CAAP1: variants seen among roughly 807,000 people sequenced by gnomAD.
CAAP1 encodes caspase activity and apoptosis inhibitor 1.
Under a neutral mutation model 34.0 loss-of-function variants are expected in CAAP1, and 20 were observed. The observed-to-expected ratio is 0.59, with a 90% confidence interval of 0.41 to 0.86. CAAP1 has a LOEUF of 0.86. Ranked by LOEUF, CAAP1 falls within the 40% of genes least tolerant of loss-of-function variation. The pLI, the probability that CAAP1 is intolerant of heterozygous loss-of-function variation, is 0.00. For missense variants in CAAP1, 538 were observed against 450.5 expected (o/e 1.19, Z -1.76); for synonymous variants, 213 against 166.7 (o/e 1.28, Z -2.14).
At chr9:26,887,186 T>TG in intron 2 of CAAP1, 127 bp downstream of exon 2, 1 of 592,834 alleles carries the variant, frequency 1.7e-6, no homozygotes, top group Non-Finnish European at 2.8e-6. Context: ...CACTCCAGCC[T>TG]GGGCGACAGA....
intron 5 of CAAP1, among the ~76,000 whole-genome samples, chr9:26,853,269 A>G (rs569399059): frequency 6.6e-6 from 1 of 152,194 alleles, no homozygotes; most frequent in Non-Finnish European, 1.5e-5. Context: ...TGTAACTGCT[A>G]TTTATTAAGA....
chr9:26,843,512 G>A (rs2131291004), intron 5 of CAAP1, among the ~76,000 whole-genome samples: 1 of 150,654 alleles, frequency 6.6e-6, no homozygotes, highest in Admixed American at 6.6e-5. Context: ...TATACTTTAA[G>A]TTTTAGGGTA....
At chr9:26,879,380 C>T (rs907763657) in intron 4 of CAAP1, among the ~76,000 whole-genome samples, 2 of 152,074 alleles carry the variant, frequency 1.3e-5, no homozygotes, top group African/African-American at 2.4e-5. Context: ...TAATGCTTTA[C>T]GTCCCTGAAT....
At chr9:26,887,599 T>C (rs1823779658) in intron 1 of CAAP1, 86 bp from the exon 2 acceptor site, 2 of 795,126 alleles carry the variant, frequency 2.5e-6, no homozygotes, top group Admixed American at 3.4e-5. Flanking sequence ...TTTCATTTAA[T>C]AAATTCTTCT....
At chr9:26,851,852 C>G (rs569404850) in intron 5 of CAAP1, among the ~76,000 whole-genome samples, 7 of 152,124 alleles carry the variant, frequency 4.6e-5, no homozygotes, top group Admixed American at 2.6e-4. Context: ...GGGCATCACA[C>G]TCAAATACTT....
chr9:26,860,520 T>C (rs1456385765), intron 5 of CAAP1, among the ~76,000 whole-genome samples: 1 of 152,168 alleles, frequency 6.6e-6, no homozygotes, highest in East Asian at 1.9e-4. Flanking sequence ...AGGCCGGGCG[T>C]GGTGGCTCAC....
At chr9:26,847,198 A>ATTTTTT (rs1171628621) in intron 5 of CAAP1, among the ~76,000 whole-genome samples, 2,432 of 34,772 alleles carry the variant, frequency 0.07, 771 homozygotes, top group Non-Finnish European at 0.089. Flanking sequence ...AAAAAGCAAT[A>ATTTTTT]TTTTTTTTTT....
chr9:26,853,552 T>C (rs1411193878), intron 5 of CAAP1, among the ~76,000 whole-genome samples: 3 of 152,186 alleles, frequency 2.0e-5, no homozygotes, highest in Non-Finnish European at 2.9e-5. Flanking sequence ...TTAGAAGTCA[T>C]AAAAAGCCAG....
intron 5 of CAAP1, among the ~76,000 whole-genome samples, chr9:26,854,149 C>T (rs1822816283): frequency 6.6e-6 from 1 of 152,148 alleles, no homozygotes; most frequent in African/African-American, 2.4e-5. Context: ...ACAATGATAA[C>T]AGAAATAATT....
At chr9:26,860,991 T>G in intron 5 of CAAP1, 75 bp downstream of exon 5, 1 of 1,111,104 alleles carries the variant, frequency 9.0e-7, no homozygotes, top group South Asian at 1.3e-5. Flanking sequence ...AGTTAGACAC[T>G]GAAAATTTAT....
At position 26,892,789 on chromosome 9, in the gene CAAP1, G is replaced by A. The variant is rs114212736; in HGVS notation, c.-74C>T. ...ACCGAAGCCCGACTCCTGCGGCCGTGGGCGGCAGGCACTGGCGTCGCAGGT... is the reference window on the plus strand; with the variant it reads ...ACCGAAGCCCGACTCCTGCGGCCGTAGGCGGCAGGCACTGGCGTCGCAGGT... On this transcript the variant is annotated 5_prime_UTR_variant, in exon 1 of 6. Coordinates refer to ENST00000333916, the MANE Select transcript of CAAP1 (RefSeq NM_024828.4). 1.3e-3 allele frequency: 1,886 copies of A among 1,409,918 alleles called. 13 individuals carry two copies. In the African/African-American group the frequency reaches 0.018, roughly 14 times the overall value. The allele number at this position is 1,409,918 out of a possible 1,614,324, so 87.3% of individuals were successfully genotyped here. A position where few individuals can be genotyped will look rare whatever the true frequency, so the allele number is the denominator to read the frequency against.
rs577590099 is a variant in CAAP1 at position 26,892,396 on chromosome 9, G to C, written c.303+17C>G. ...AAGCAGCAGCTCCAGGAAGCGGCCAGAGGGGCGCGCACGCACCTGCTGCAA... is the reference window on the plus strand; with the variant it reads ...AAGCAGCAGCTCCAGGAAGCGGCCACAGGGGCGCGCACGCACCTGCTGCAA... On this transcript the variant is annotated intron_variant, in intron 1 of 5. Transcript: ENST00000333916. 5.9e-5 allele frequency: 94 copies of C among 1,604,160 alleles called. No homozygotes were observed. The African/African-American group carries it at 1.1e-3, about 19-fold the overall frequency.
Position 26,884,893 on chromosome 9 carries a change from A to G in CAAP1, c.590-8T>C. The G allele has an allele frequency of 6.3e-7, 1 of 1,590,672 alleles. No individual in the cohort carries two copies. ...AGTCCATTCCATTGTCACCTTATAA[A>G]TGAAAGAAACTATTGAAAGCACACT... On this transcript the variant is annotated splice_polypyrimidine_tract_variant and splice_region_variant and intron_variant, in intron 3 of 5. Transcript: ENST00000333916.
intron 4 of CAAP1, among the ~76,000 whole-genome samples, chr9:26,870,539 T>C (rs897018735): frequency 2.1e-5 from 3 of 141,866 alleles, no homozygotes; most frequent in African/African-American, 5.2e-5. Context: ...GGTGTGTATA[T>C]AGACACATAC....
At chr9:26,845,961 G>A (rs998166859) in intron 5 of CAAP1, among the ~76,000 whole-genome samples, 1 of 151,456 alleles carries the variant, frequency 6.6e-6, no homozygotes, top group Non-Finnish European at 1.5e-5. Flanking sequence ...TAAAATGGAT[G>A]AGGGGTAGGC....
chr9:26,892,016 C>G (rs1427719436), intron 1 of CAAP1, among the ~76,000 whole-genome samples: 1 of 151,996 alleles, frequency 6.6e-6, no homozygotes, highest in Non-Finnish European at 1.5e-5. Context: ...CTTCTTTGGG[C>G]CTCAATTTTC....
intron 4 of CAAP1, among the ~76,000 whole-genome samples, chr9:26,868,590 T>C (rs1823195912): frequency 6.6e-6 from 1 of 152,218 alleles, no homozygotes; most frequent in Non-Finnish European, 1.5e-5. Context: ...ACTAAGTTTG[T>C]GGTAATTTGT....
intron 5 of CAAP1, 74 bp downstream of exon 5, chr9:26,860,992 G>A: frequency 8.9e-7 from 1 of 1,128,282 alleles, no homozygotes; most frequent in Non-Finnish European, 1.3e-6. Context: ...GTTAGACACT[G>A]AAAATTTATT....
chr9:26,861,275 G>A (rs1322396678), intron 4 of CAAP1, 136 bp from the exon 5 acceptor site: 14 of 597,998 alleles, frequency 2.3e-5, no homozygotes, highest in Admixed American at 8.9e-5. Context: ...ATCATTCAGT[G>A]TACTCTGGAA....
Sources: gnomAD v4.1 joint callset for allele counts (sites outside exome capture counted in the v4.1 genomes callset) on GRCh38, gnomAD v4.1.1 for gene constraint, MANE v1.5 for transcripts, NCBI Gene and HGNC (gene_info 2026-07-23, HGNC 2026-07-21) for gene names.